The following TSC22D1 variants were observed in gnomAD, a reference collection of about 807,000 sequenced individuals.
The protein encoded by TSC22D1 is TSC22 domain family member 1.
TSC22D1 carries 9 observed loss-of-function variants against 74.2 expected under a neutral mutation model. That is an observed-to-expected ratio of 0.12 (90% confidence interval 0.07 to 0.21). TSC22D1 has a LOEUF of 0.21. Ranked by LOEUF, TSC22D1 falls within the 10% of genes least tolerant of loss-of-function variation. TSC22D1 has a pLI of 1.00. For missense variants in TSC22D1, 1,427 were observed against 1,304.7 expected, an observed-to-expected ratio of 1.09 and a Z score of -1.44; for synonymous variants, 586 against 492.5, an observed-to-expected ratio of 1.19 and a Z score of -2.51.
intron 1 of TSC22D1, 82 bp downstream of exon 1, chr13:44,573,081 G>C (rs903132067): frequency 6.4e-5 from 96 of 1,498,760 alleles, no homozygotes; most frequent in Non-Finnish European, 8.2e-5. Flanking sequence ...ATGTTTTAGA[G>C]TCATTTTGTG....
In TSC22D1 at chr13:44,467,669, A is replaced by G. The variant is rs534286985; in HGVS notation, c.2913-31574T>C. 1.8e-4 allele frequency among the ~76,000 whole-genome samples: 28 copies of G among 152,332 alleles called. No homozygotes were observed. In the Middle Eastern group the frequency reaches 0.01, roughly 56 times the overall value. On this transcript the variant is annotated intron_variant, in intron 1 of 2. Transcript: ENST00000458659. Reference sequence around the variant, plus strand: ...TGCTCAACATCACTAATCATCAGGGAAATGCAAATCAAAACCACCACAATG... The same window carrying G: ...TGCTCAACATCACTAATCATCAGGGGAATGCAAATCAAAACCACCACAATG...
chr13:44,540,187 C>G (rs1881382656), intron 1 of TSC22D1, among the ~76,000 whole-genome samples: 1 of 151,910 alleles, frequency 6.6e-6, no homozygotes, highest in Non-Finnish European at 1.5e-5. Context: ...GAGTGGAAGA[C>G]CAAATCAAAA....
In TSC22D1 at chr13:44,434,371, G is replaced by T; in HGVS notation, c.*255C>A. ...GAATTAAACCATTTCTCAGATATCT[G>T]CCAAGCTGCATGAGGTCCCGGTATA... is the stretch of plus-strand genomic sequence containing the variant. On this transcript the variant is annotated 3_prime_UTR_variant, in exon 3 of 3. Coordinates refer to ENST00000458659, the MANE Select transcript of TSC22D1 (RefSeq NM_183422.4). 1 of 1,373,224 alleles carries T rather than the reference G, an allele frequency of 7.3e-7. No individual in the cohort carries two copies. Among genetic ancestry groups the T allele is most frequent in the Non-Finnish European group, 9.3e-7 (1 of 1,072,556 alleles). The allele number at this position is 1,373,224 out of a possible 1,614,324, so 85.1% of individuals were successfully genotyped here.
chr13:44,460,446 C>T (rs529427523), intron 1 of TSC22D1, among the ~76,000 whole-genome samples: 1 of 152,260 alleles, frequency 6.6e-6, no homozygotes, highest in Non-Finnish European at 1.5e-5. Flanking sequence ...GGTAAAAGGG[C>T]AACTCAAATT....
intron 1 of TSC22D1, among the ~76,000 whole-genome samples, chr13:44,560,288 T>A (rs1435116100): frequency 6.6e-6 from 1 of 151,264 alleles, no homozygotes; most frequent in African/African-American, 2.4e-5. Context: ...AAAAGGTAAT[T>A]AATAAAAATA....
chr13:44,434,467 G>A lies in TSC22D1; in HGVS notation c.*159C>T. The A allele has an allele frequency of 7.2e-7, 1 of 1,383,816 alleles. No individual in the cohort carries two copies. Among genetic ancestry groups the A allele is most frequent in the South Asian group, 1.9e-5 (1 of 53,576 alleles). The allele number at this position is 1,383,816 out of a possible 1,614,324, so 85.7% of individuals were successfully genotyped here. ...ATTTCTCCAAGCCATAAGCATATGA[G>A]TGTTTAATACTGGAAAAGAGATAAT... is the stretch of plus-strand genomic sequence containing the variant. On this transcript the variant is annotated 3_prime_UTR_variant, in exon 3 of 3. Coordinates refer to ENST00000458659, the MANE Select transcript of TSC22D1 (RefSeq NM_183422.4).
chr13:44,509,340 A>G (rs1382730487), intron 1 of TSC22D1, among the ~76,000 whole-genome samples: 1 of 152,210 alleles, frequency 6.6e-6, no homozygotes, highest in Admixed American at 6.5e-5. Context: ...TGAACTGTAC[A>G]TTTAAGAAGT....
chr13:44,433,753 C>T lies in TSC22D1; in HGVS notation c.*873G>A, dbSNP rs1566106991. ...TTCAGTGAACAAGGATTTACTTCAGCGTATTCAGCAGCTAGATTTCAGATT... is the reference window on the plus strand; with the variant it reads ...TTCAGTGAACAAGGATTTACTTCAGTGTATTCAGCAGCTAGATTTCAGATT... On this transcript the variant is annotated 3_prime_UTR_variant, in exon 3 of 3. Coordinates refer to ENST00000458659, the MANE Select transcript of TSC22D1 (RefSeq NM_183422.4). 2 of 505,830 alleles carry T rather than the reference C, an allele frequency of 4.0e-6. No homozygotes were observed. Among genetic ancestry groups the T allele is most frequent in the Non-Finnish European group, 6.8e-6 (2 of 292,884 alleles). The allele number at this position is 505,830 out of a possible 1,614,324, so 31.3% of individuals were successfully genotyped here.
chr13:44,452,914 G>A (rs959973795), intron 1 of TSC22D1: 2 of 152,368 alleles, frequency 1.3e-5, no homozygotes, highest in African/African-American at 4.8e-5. Flanking sequence ...AAGATGAGAA[G>A]TTACAGTTCA....
At chr13:44,531,313 A>C (rs1325677468) in intron 1 of TSC22D1, among the ~76,000 whole-genome samples, 1 of 152,172 alleles carries the variant, frequency 6.6e-6, no homozygotes, top group Non-Finnish European at 1.5e-5. Flanking sequence ...ATAACCCTTT[A>C]ATTCAGACAC....
At chr13:44,487,176 A>C (rs1010451742) in intron 1 of TSC22D1, among the ~76,000 whole-genome samples, 6 of 152,254 alleles carry the variant, frequency 3.9e-5, no homozygotes, top group African/African-American at 1.4e-4. Context: ...TAAAACCTTT[A>C]AACCAAAATC....
chr13:44,481,026 C>T (rs1406220741), intron 1 of TSC22D1, among the ~76,000 whole-genome samples: 2 of 152,058 alleles, frequency 1.3e-5, no homozygotes, highest in East Asian at 3.9e-4. Flanking sequence ...TAGGGAAACA[C>T]CAACGTTTAA....
At chr13:44,483,882 A>G (rs550232089) in intron 1 of TSC22D1, among the ~76,000 whole-genome samples, 166 of 152,338 alleles carry the variant, frequency 1.1e-3, no homozygotes, top group Non-Finnish European at 1.9e-3. Context: ...CTAACAGTAG[A>G]TGGCGCTAAT....
intron 1 of TSC22D1, among the ~76,000 whole-genome samples, chr13:44,559,069 AG>A (rs1235604355): frequency 1.3e-5 from 2 of 152,276 alleles, no homozygotes; most frequent in African/African-American, 4.8e-5. Flanking sequence ...TTGAAAATGA[AG>A]AACAGTTTAA....
intron 1 of TSC22D1, among the ~76,000 whole-genome samples, chr13:44,441,066 A>C (rs1875158157): frequency 6.6e-6 from 1 of 152,244 alleles, no homozygotes; most frequent in African/African-American, 2.4e-5. Flanking sequence ...ATGGAGGAGC[A>C]AATCAAGAAA....
At chr13:44,436,681 C>T in intron 1 of TSC22D1, 4 of 1,557,104 alleles carry the variant, frequency 2.6e-6, no homozygotes, top group Non-Finnish European at 2.6e-6. Flanking sequence ...CACCAGCAGC[C>T]TTGTATAAGC....
rs567753994 is a variant in TSC22D1 at position 44,575,857 on chromosome 13, G to C, written c.218C>G (p.Ser73Cys). ...AGGCGGAGGCTGTGGTCCCGACGTA[G>C]AAGATGCTGCAGGGGGCGGCGGCTG... ...LLQPPPPAAS[S>C]TSGPQPPPPQ... Residue 73 changes from serine to cysteine, a missense_variant, in exon 1 of 3, where the codon TCT (serine) becomes TGT (cysteine). Physicochemically the swap from Ser to Cys is moderately radical, Grantham distance 112. Transcript: ENST00000458659. 1 of 1,613,968 alleles carries C rather than the reference G, an allele frequency of 6.2e-7. No individual in the cohort carries two copies. The highest frequency in any genetic ancestry group is 1.7e-5 in the Admixed American group (1 of 60,010).
chr13:44,467,893 A>AT (rs1190898903), intron 1 of TSC22D1, among the ~76,000 whole-genome samples: 1 of 152,144 alleles, frequency 6.6e-6, no homozygotes, highest in African/African-American at 2.4e-5. Flanking sequence ...ACTACTGGGT[A>AT]TTTACCAAAA....
intron 1 of TSC22D1, among the ~76,000 whole-genome samples, chr13:44,567,623 A>C (rs1883467660): frequency 6.6e-6 from 1 of 151,990 alleles, no homozygotes. Flanking sequence ...AAGTTCTTGG[A>C]ATTTAAATAT....
Sources: allele counts gnomAD v4.1 joint callset (sites outside exome capture counted in the v4.1 genomes callset), GRCh38; gene constraint gnomAD v4.1.1; transcripts MANE v1.5; gene names NCBI Gene and HGNC (gene_info 2026-07-23, HGNC 2026-07-21).